PHF14: variants seen among roughly 807,000 people sequenced by gnomAD.
PHF14 encodes the protein PHD finger protein 14.
A neutral mutation model predicts 117.9 loss-of-function variants in PHF14; 55 were observed. The ratio of observed to expected loss-of-function variants is 0.47; its 90% CI spans 0.38 to 0.58. The LOEUF is 0.58. Ranked by LOEUF, PHF14 falls within the 20% of genes least tolerant of loss-of-function variation. The pLI, the probability that PHF14 is intolerant of heterozygous loss-of-function variation, is 0.00. For synonymous variants in PHF14, 409 were observed against 368.6 expected, an observed-to-expected ratio of 1.11 and a Z score of -1.26; for missense variants, 978 against 1,122.2, an observed-to-expected ratio of 0.87 and a Z score of 1.84.
At chr7:11,086,692 C>G (rs1004182616) in intron 16 of PHF14, among the ~76,000 whole-genome samples, 11 of 152,056 alleles carry the variant, frequency 7.2e-5, no homozygotes, top group African/African-American at 2.7e-4. Flanking sequence ...TTATAATTGT[C>G]AGATATTAAT....
intron 17 of PHF14, among the ~76,000 whole-genome samples, chr7:11,159,572 T>A (rs1217356601): frequency 6.6e-6 from 1 of 152,062 alleles, no homozygotes; most frequent in African/African-American, 2.4e-5. Flanking sequence ...ATTACCACAA[T>A]AGAAAAGTGG....
chr7:10,973,945 T>G lies in PHF14; in HGVS notation c.-379T>G. ...AGGCAGCCGCCCTCGCGCTGTGCAA[T>G]TTCTGGTCTTTCGTTGCTTCTGGTC... On this transcript the variant is annotated 5_prime_UTR_variant, in exon 1 of 18. Transcript: ENST00000634607. 5.0e-6 allele frequency: 1 copy of G among 201,456 alleles called. No homozygotes were observed. Among genetic ancestry groups the G allele is most frequent in the Non-Finnish European group, 1.0e-5 (1 of 97,166 alleles). The allele number at this position is 201,456 out of a possible 1,614,324, so 12.5% of individuals were successfully genotyped here. A position where few individuals can be genotyped will look rare whatever the true frequency, so the allele number is the denominator to read the frequency against.
chr7:11,149,177 GT>G (rs1788637963), intron 17 of PHF14, among the ~76,000 whole-genome samples: 1 of 141,964 alleles, frequency 7.0e-6, no homozygotes, highest in Non-Finnish European at 1.5e-5. Context: ...TCATGTAGAT[GT>G]TTTAGGTAAG....
intron 5 of PHF14, among the ~76,000 whole-genome samples, chr7:11,019,188 T>C (rs1253332735): frequency 6.6e-6 from 1 of 152,196 alleles, no homozygotes; most frequent in Admixed American, 6.5e-5. Flanking sequence ...TACTGGCCTG[T>C]AGTTTTCTTT....
intron 17 of PHF14, among the ~76,000 whole-genome samples, chr7:11,126,564 T>G (rs1787934950): frequency 6.6e-6 from 1 of 152,080 alleles, no homozygotes; most frequent in Non-Finnish European, 1.5e-5. Flanking sequence ...TCTTCGTTAT[T>G]TAGCTGTTTC....
intron 16 of PHF14, among the ~76,000 whole-genome samples, chr7:11,086,457 C>T (rs559480843): frequency 1.3e-5 from 2 of 152,280 alleles, no homozygotes; most frequent in Non-Finnish European, 2.9e-5. Flanking sequence ...ATAACCTCGT[C>T]TTTTTCTCTG....
chr7:11,024,610 A>G (rs1783848880), intron 6 of PHF14, among the ~76,000 whole-genome samples: 1 of 152,270 alleles, frequency 6.6e-6, no homozygotes, highest in Middle Eastern at 3.4e-3. Context: ...ATTATGTTAA[A>G]TCTACTCTGC....
intron 13 of PHF14, among the ~76,000 whole-genome samples, chr7:11,047,776 ACT>A (rs750756416): frequency 1.2e-4 from 16 of 136,104 alleles, no homozygotes; most frequent in East Asian, 2.4e-4. Context: ...ACAGAGTGAG[ACT>A]CTGTCTCACA....
intron 16 of PHF14, among the ~76,000 whole-genome samples, chr7:11,088,262 T>C (rs1786495747): frequency 6.6e-6 from 1 of 152,204 alleles, no homozygotes; most frequent in Admixed American, 6.5e-5. Context: ...TTTATTGTTG[T>C]ATTGCTATTT....
chr7:11,025,754 C>G (rs1264658648), intron 6 of PHF14, among the ~76,000 whole-genome samples: 1 of 151,910 alleles, frequency 6.6e-6, no homozygotes, highest in African/African-American at 2.4e-5. Context: ...GAGATCGTGC[C>G]ATTGCCCTCC....
At chr7:11,068,146 C>T (rs949972600) in intron 16 of PHF14, among the ~76,000 whole-genome samples, 2 of 151,922 alleles carry the variant, frequency 1.3e-5, no homozygotes, top group South Asian at 4.2e-4. Flanking sequence ...GTCAGGAGAT[C>T]GAGACCATCC....
At chr7:11,094,054 C>T (rs986050433) in intron 16 of PHF14, among the ~76,000 whole-genome samples, 4 of 152,030 alleles carry the variant, frequency 2.6e-5, no homozygotes, top group African/African-American at 9.7e-5. Context: ...GGAGAAGGGT[C>T]TGGGTGAGAC....
intron 4 of PHF14, among the ~76,000 whole-genome samples, chr7:10,997,801 AAGAG>A (rs1319094538): frequency 6.6e-6 from 1 of 152,216 alleles, no homozygotes; most frequent in Non-Finnish European, 1.5e-5. Flanking sequence ...TAAGTGATCA[AAGAG>A]AGAAAGAGAC....
At chr7:11,087,398 G>T (rs144984782) in intron 16 of PHF14, among the ~76,000 whole-genome samples, 2,157 of 152,130 alleles carry the variant, frequency 0.014, 45 homozygotes, top group African/African-American at 0.049. Flanking sequence ...CACCATGTTG[G>T]CCATACTGGT....
intron 4 of PHF14, among the ~76,000 whole-genome samples, chr7:10,999,855 A>G (rs1007988552): frequency 3.3e-5 from 5 of 152,138 alleles, no homozygotes; most frequent in African/African-American, 1.2e-4. Context: ...TCATGTAACA[A>G]CTCTTCTTGT....
At chr7:11,086,285 A>T (rs1345383935) in intron 16 of PHF14, among the ~76,000 whole-genome samples, 3 of 152,120 alleles carry the variant, frequency 2.0e-5, no homozygotes, top group African/African-American at 4.8e-5. Context: ...AGGCCCTCCA[A>T]ACCCAGCCTC....
chr7:11,130,092 G>A lies in PHF14; in HGVS notation c.2772+18625G>A, dbSNP rs548316978. ...CAGTACAGGTTGACAGAGCAGCTCT[G>A]CTCATTATAGTCACTTGGGGACCCG... On this transcript the variant is annotated intron_variant, in intron 17 of 17. Transcript: ENST00000634607. This position sits in a 1 kb window ranked among gnomAD's most constrained non-coding sequence, Gnocchi z 4.2. Among the ~76,000 whole-genome samples, 3 of 150,374 alleles carry A rather than the reference G, an allele frequency of 2.0e-5. No homozygotes were observed. In the East Asian group the frequency reaches 5.8e-4, roughly 29 times the overall value.
chr7:11,032,168 G>C (rs1374969174), intron 7 of PHF14, among the ~76,000 whole-genome samples: 2 of 152,170 alleles, frequency 1.3e-5, no homozygotes, highest in Admixed American at 1.3e-4. Flanking sequence ...AGGAGGCTGA[G>C]GTGGGAGGAT....
intron 6 of PHF14, among the ~76,000 whole-genome samples, chr7:11,025,881 T>G (rs1783890892): frequency 6.6e-6 from 1 of 151,258 alleles, no homozygotes; most frequent in African/African-American, 2.4e-5. Flanking sequence ...GGAGGCCGAG[T>G]TGGGTGGGTC....
Sources: gnomAD v4.1 joint callset for allele counts (sites outside exome capture counted in the v4.1 genomes callset) on GRCh38, gnomAD v4.1.1 for gene constraint, Gnocchi (gnomAD v3.1) non-coding constraint, MANE v1.5 for transcripts, NCBI Gene and HGNC (gene_info 2026-07-23, HGNC 2026-07-21) for gene names.